Variants in TIPRL observed in about 807,000 individuals in gnomAD.
TIPRL encodes the protein TOR signaling pathway regulator.
A neutral mutation model predicts 32.3 loss-of-function variants in TIPRL; 10 were observed. That is an observed-to-expected ratio of 0.31 (90% confidence interval 0.19 to 0.52). The LOEUF (loss-of-function observed/expected upper bound fraction) is 0.52, where lower values mean the gene tolerates loss of function less well. TIPRL is among the 20% of genes least tolerant of loss of function. The probability of loss-of-function intolerance (pLI) is 0.96; values close to 1 mark genes in which losing one functional copy is unlikely to be tolerated. For missense variants in TIPRL, 250 were observed against 328.1 expected (o/e 0.76, Z 1.84); for synonymous variants, 100 against 114.0 (o/e 0.88, Z 0.78).
chr1:168,185,141 C>T (rs139051464), intron 3 of TIPRL, among the ~76,000 whole-genome samples: 140 of 152,258 alleles, frequency 9.2e-4, no homozygotes, highest in African/African-American at 3.1e-3. Context: ...TTATCACTAT[C>T]AAGAAACATT....
intron 6 of TIPRL, among the ~76,000 whole-genome samples, chr1:168,199,521 T>A (rs1230819606): frequency 6.6e-6 from 1 of 152,186 alleles, no homozygotes; most frequent in Non-Finnish European, 1.5e-5. Context: ...TATGTACTTC[T>A]GTCTGGGTAT....
At chr1:168,191,275 G>T (rs1700093440) in intron 3 of TIPRL, 94 bp from the exon 4 acceptor site, 4 of 1,181,272 alleles carry the variant, frequency 3.4e-6, no homozygotes. Flanking sequence ...AGAAAAGACT[G>T]ATTGAAAAAG....
intron 1 of TIPRL, among the ~76,000 whole-genome samples, chr1:168,181,222 T>C (rs1285540980): frequency 6.6e-6 from 1 of 151,918 alleles, no homozygotes; most frequent in Non-Finnish European, 1.5e-5. Flanking sequence ...TTTCTTTCTA[T>C]TTTTATTTTG....
intron 2 of TIPRL, 61 bp downstream of exon 2, chr1:168,184,142 G>C: frequency 6.8e-7 from 1 of 1,470,598 alleles, no homozygotes; most frequent in Non-Finnish European, 9.2e-7. Context: ...AAAGAGAAAA[G>C]ACTTGAAAAA....
chr1:168,183,214 A>G (rs1467876273), intron 1 of TIPRL, among the ~76,000 whole-genome samples: 2 of 152,156 alleles, frequency 1.3e-5, no homozygotes, highest in East Asian at 1.9e-4. Flanking sequence ...TTGTTGCTTT[A>G]TAATGAAACA....
At chr1:168,191,780 G>A (rs1342861477) in intron 4 of TIPRL, among the ~76,000 whole-genome samples, 1 of 149,372 alleles carries the variant, frequency 6.7e-6, no homozygotes, top group Non-Finnish European at 1.5e-5. Context: ...GCTGAGGCAG[G>A]AGAGTAGCGT....
chr1:168,192,333 G>C, intron 4 of TIPRL: 1 of 992,380 alleles, frequency 1.0e-6, no homozygotes, highest in Non-Finnish European at 1.3e-6. Flanking sequence ...CAGCCTGGGC[G>C]ACAGAGCAAG....
At chr1:168,198,594 C>T (rs1265828888) in intron 5 of TIPRL, among the ~76,000 whole-genome samples, 1 of 152,114 alleles carries the variant, frequency 6.6e-6, no homozygotes, top group African/African-American at 2.4e-5. Flanking sequence ...AAATCTCTTG[C>T]ATATTTCATT....
rs1456104705 is a variant in TIPRL at position 168,201,940 on chromosome 1, T to C, written c.*1894T>C. ...AATTGCCTTTTTTTTTTTTAGAGGGTAAGAGATGGGTAGAAGAGTATGCCT... is the reference window on the plus strand; with the variant it reads ...AATTGCCTTTTTTTTTTTTAGAGGGCAAGAGATGGGTAGAAGAGTATGCCT... On this transcript the variant is annotated 3_prime_UTR_variant, in exon 7 of 7. Transcript: ENST00000367833. 1 of 150,084 alleles carries C rather than the reference T, an allele frequency of 6.7e-6. No individual in the cohort carries two copies. Among genetic ancestry groups the C allele is most frequent in the African/African-American group, 2.5e-5 (1 of 40,632 alleles). 9.3% of individuals were successfully genotyped at this position (150,084 alleles called of 1,614,324 possible). A position where few individuals can be genotyped will look rare whatever the true frequency, so the allele number is the denominator to read the frequency against.
chr1:168,192,541 A>G (rs1017345403), intron 4 of TIPRL: 2 of 379,082 alleles, frequency 5.3e-6, no homozygotes, highest in South Asian at 1.1e-4. Flanking sequence ...CACCTTTTCT[A>G]CAAGGCCCTT....
rs1700200176 is a variant in TIPRL at position 168,200,686 on chromosome 1, A to G, written c.*640A>G. 1 of 152,118 alleles carries G rather than the reference A, an allele frequency of 6.6e-6. No individual in the cohort carries two copies. The highest frequency in any genetic ancestry group is 1.5e-5 in the Non-Finnish European group (1 of 68,038). The allele number at this position is 152,118 out of a possible 1,614,324, so 9.4% of individuals were successfully genotyped here. ...GAGAACTTATTACATACATAGAAACATGAATATGGTTTACCACTGTGTGTG... is the reference window on the plus strand; with the variant it reads ...GAGAACTTATTACATACATAGAAACGTGAATATGGTTTACCACTGTGTGTG... On this transcript the variant is annotated 3_prime_UTR_variant, in exon 7 of 7. Transcript: ENST00000367833.
intron 2 of TIPRL, 106 bp downstream of exon 2, chr1:168,184,187 G>A (rs1700001308): frequency 2.0e-6 from 2 of 1,024,398 alleles, no homozygotes; most frequent in Non-Finnish European, 2.8e-6. Context: ...TTGTTAGAAT[G>A]AAGGGCTGGT....
intron 6 of TIPRL, 65 bp downstream of exon 6, chr1:168,199,046 A>G: frequency 7.6e-7 from 1 of 1,316,174 alleles, no homozygotes; most frequent in Non-Finnish European, 1.1e-6. Flanking sequence ...TAAGTAGCAT[A>G]TACCCCTGAC....
chr1:168,196,457 GT>G (rs1028489339), intron 4 of TIPRL, 89 bp from the exon 5 acceptor site: 10 of 879,836 alleles, frequency 1.1e-5, no homozygotes, highest in Non-Finnish European at 1.3e-5. Flanking sequence ...GGGTTTTTTT[GT>G]TTTTTGTTTT....
chr1:168,188,131 A>G (rs1700051171), intron 3 of TIPRL, among the ~76,000 whole-genome samples: 1 of 152,216 alleles, frequency 6.6e-6, no homozygotes, highest in Admixed American at 6.5e-5. Context: ...TAGCAGCCCA[A>G]ATGGACTAAG....
At chr1:168,187,734 T>A (rs908569544) in intron 3 of TIPRL, among the ~76,000 whole-genome samples, 6 of 152,168 alleles carry the variant, frequency 3.9e-5, no homozygotes, top group African/African-American at 1.2e-4. Context: ...CCCAGCACTT[T>A]GGGAGGCTGA....
At chr1:168,189,261 T>A (rs1379979562) in intron 3 of TIPRL, among the ~76,000 whole-genome samples, 1 of 152,184 alleles carries the variant, frequency 6.6e-6, no homozygotes, top group Admixed American at 6.5e-5. Flanking sequence ...TTTTAGGAAG[T>A]TTTTGGGTTT....
chr1:168,185,118 CTTG>C (rs1424982479), intron 3 of TIPRL, among the ~76,000 whole-genome samples: 1 of 152,170 alleles, frequency 6.6e-6, no homozygotes, highest in Non-Finnish European at 1.5e-5. Context: ...GGCAGACGGC[CTTG>C]TTGTTATCAT....
At chr1:168,180,805 C>CTTT (rs59607373) in intron 1 of TIPRL, among the ~76,000 whole-genome samples, 2 of 132,190 alleles carry the variant, frequency 1.5e-5, no homozygotes, top group African/African-American at 2.8e-5. Flanking sequence ...TCTTTCTTTT[C>CTTT]TTTTTTTTTT....
Sources: allele counts gnomAD v4.1 joint callset (sites outside exome capture counted in the v4.1 genomes callset), GRCh38; gene constraint gnomAD v4.1.1; transcripts MANE v1.5; gene names NCBI Gene and HGNC (gene_info 2026-07-23, HGNC 2026-07-21).